Variants in ENOX2 observed in about 807,000 individuals in gnomAD.
The protein encoded by ENOX2 is APK1 antigen.
In ENOX2, 36 loss-of-function variants were observed where a neutral mutation model predicts 45.0. That is an observed-to-expected ratio of 0.80 (90% confidence interval 0.61 to 1.06). The LOEUF is 1.06. Among genes scored for constraint, ENOX2 ranks in the 50% least tolerant of loss-of-function variants. The pLI is 0.00. For missense variants in ENOX2, 423 were observed against 462.5 expected, an observed-to-expected ratio of 0.91 and a Z score of 0.78; for synonymous variants, 174 against 152.3, an observed-to-expected ratio of 1.14 and a Z score of -1.05.
In ENOX2 at chrX:130,656,557, TAAAGA is replaced by T; in HGVS notation, c.1129+19_1129+23del. 2 of 939,494 alleles carry T rather than the reference TAAAGA, an allele frequency of 2.1e-6. No individual in the cohort carries two copies. Among genetic ancestry groups the T allele is most frequent in the Non-Finnish European group, 3.1e-6 (2 of 652,615 alleles). The allele number at this position is 939,494 out of a possible 1,213,427, so 77.4% of individuals were successfully genotyped here. ...TGTCTGCAAGTACATGTTTATTAAA[TAAAGA>T]AAACAGAATTATCTTTACCTGATTC... On this transcript the variant is annotated intron_variant, in intron 10 of 14. Coordinates refer to ENST00000394363, the MANE Select transcript of ENOX2 (RefSeq NM_006375.4).
intron 2 of ENOX2, among the ~76,000 whole-genome samples, chrX:130,886,250 C>T (rs1009235006): frequency 3.6e-5 from 4 of 112,543 alleles, no homozygotes; most frequent in Non-Finnish European, 1.9e-5. Flanking sequence ...TGTCAAACCA[C>T]GCATCAAAAT....
chrX:130,704,764 C>T (rs777919059), intron 3 of ENOX2, among the ~76,000 whole-genome samples: 1 of 112,091 alleles, frequency 8.9e-6, no homozygotes, highest in East Asian at 2.8e-4. Flanking sequence ...CTGCCTTTGC[C>T]TCTTCCCCCT....
At chrX:130,783,345 C>T (rs774948779) in intron 3 of ENOX2, among the ~76,000 whole-genome samples, 43 of 111,910 alleles carry the variant, frequency 3.8e-4, no homozygotes, top group African/African-American at 1.3e-3. Flanking sequence ...ACTGATGATA[C>T]TCTATCTAAT....
At chrX:130,633,357 T>G (rs760407137) in intron 12 of ENOX2, among the ~76,000 whole-genome samples, 1 of 112,792 alleles carries the variant, frequency 8.9e-6, no homozygotes, top group Non-Finnish European at 1.9e-5. Context: ...CCTAATTGTG[T>G]CAGGTTGAAA....
rs746288492 is a variant in ENOX2 at position 130,711,073 on chromosome X, CA to C, written c.-38-7820del. Among the ~76,000 whole-genome samples, 373 of 112,022 alleles carry C rather than the reference CA, an allele frequency of 3.3e-3. 2 individuals are homozygous for C. Among genetic ancestry groups the C allele is most frequent in the Non-Finnish European group, 5.2e-3 (279 of 53,181 alleles). ...AAGTATTTGTTGTGAAAAGATGACACAGGGGCAGGGTTGGGTGTCCTACCAA... is the reference window on the plus strand; with the variant it reads ...AAGTATTTGTTGTGAAAAGATGACACGGGGCAGGGTTGGGTGTCCTACCAA... On this transcript the variant is annotated intron_variant, in intron 3 of 14. Transcript: ENST00000394363.
chrX:130,753,866 T>C (rs1304353241), intron 3 of ENOX2, among the ~76,000 whole-genome samples: 1 of 111,094 alleles, frequency 9.0e-6, no homozygotes, highest in Non-Finnish European at 1.9e-5. Context: ...TTTCCTTGGA[T>C]AAATACCCAG....
intron 2 of ENOX2, among the ~76,000 whole-genome samples, chrX:130,810,990 C>T (rs2077380680): frequency 8.9e-6 from 1 of 112,189 alleles, no homozygotes; most frequent in East Asian, 2.8e-4. Context: ...GCCTTAGGGA[C>T]CAGGCCTGCT....
intron 10 of ENOX2, among the ~76,000 whole-genome samples, chrX:130,644,981 G>A (rs56394434): frequency 0.015 from 1,687 of 111,375 alleles, 12 homozygotes; most frequent in Middle Eastern, 0.037. Context: ...TTTGGTGAAG[G>A]ATGTTGATAG....
chrX:130,813,216 T>C (rs5977379), intron 2 of ENOX2, among the ~76,000 whole-genome samples: 72 of 111,890 alleles, frequency 6.4e-4, no homozygotes, highest in African/African-American at 2.2e-3. Flanking sequence ...ATAGAGAGCT[T>C]AGAAATAAAT....
intron 2 of ENOX2, among the ~76,000 whole-genome samples, chrX:130,809,082 A>G (rs1331981575): frequency 3.6e-5 from 4 of 112,518 alleles, no homozygotes; most frequent in Non-Finnish European, 7.5e-5. Context: ...AGCAACAAGA[A>G]ATAGTGACAA....
chrX:130,784,034 G>C (rs781209632), intron 2 of ENOX2, among the ~76,000 whole-genome samples: 1 of 111,514 alleles, frequency 9.0e-6, no homozygotes, highest in Non-Finnish European at 1.9e-5. Flanking sequence ...GCATTCCTTG[G>C]ATTATCTCCT....
intron 12 of ENOX2, among the ~76,000 whole-genome samples, chrX:130,633,228 G>A (rs963051097): frequency 9.0e-6 from 1 of 111,683 alleles, no homozygotes; most frequent in African/African-American, 3.3e-5. Flanking sequence ...GTAGCTTACT[G>A]TCAAGAAACC....
intron 10 of ENOX2, among the ~76,000 whole-genome samples, chrX:130,646,655 C>T (rs1340233619): frequency 3.6e-5 from 4 of 112,272 alleles, no homozygotes; most frequent in African/African-American, 1.3e-4. Flanking sequence ...GACTTGTGTT[C>T]GTTGGGGACT....
rs1444667462 is a variant in ENOX2, at chrX:130,879,775, A to G, written c.-183+21909T>C. Among the ~76,000 whole-genome samples the G allele has an allele frequency of 1.1e-4, 12 of 112,168 alleles. No homozygotes were observed. The Admixed American group carries it at 1.1e-3, about 11-fold the overall frequency. On this transcript the variant is annotated intron_variant, in intron 2 of 14. Transcript: ENST00000394363. ...TTCTCTACTCTGGTTTAAATTAGGA[A>G]GGATCCTGATCAGAGTGAACTTTTT...
At chrX:130,808,493 C>T (rs1458398708) in intron 2 of ENOX2, among the ~76,000 whole-genome samples, 6 of 111,644 alleles carry the variant, frequency 5.4e-5, no homozygotes, top group Non-Finnish European at 7.5e-5. Flanking sequence ...GAAGGTATTA[C>T]TGGTAATTGA....
intron 2 of ENOX2, among the ~76,000 whole-genome samples, chrX:130,788,664 TA>T (rs2077001224): frequency 8.9e-6 from 1 of 112,268 alleles, no homozygotes; most frequent in African/African-American, 3.2e-5. Flanking sequence ...AACAGATAAC[TA>T]ACAAAGTCAG....
At chrX:130,728,662 C>A (rs745429158) in intron 3 of ENOX2, among the ~76,000 whole-genome samples, 1 of 111,334 alleles carries the variant, frequency 9.0e-6, no homozygotes, top group South Asian at 3.9e-4. Context: ...TGTGTGATTT[C>A]TCTCTCCTGA....
intron 2 of ENOX2, among the ~76,000 whole-genome samples, chrX:130,795,333 A>AG (rs1221109908): frequency 1.5e-4 from 17 of 112,045 alleles, no homozygotes; most frequent in African/African-American, 5.5e-4. Context: ...TTGAGAAGAC[A>AG]GCATGACTGT....
chrX:130,815,353 A>C (rs773590978), intron 2 of ENOX2, among the ~76,000 whole-genome samples: 2 of 112,297 alleles, frequency 1.8e-5, no homozygotes, highest in Non-Finnish European at 3.8e-5. Flanking sequence ...GAACTTCTCC[A>C]ACCTAGCAAG....
Sources: allele counts gnomAD v4.1 joint callset (sites outside exome capture counted in the v4.1 genomes callset), GRCh38; gene constraint gnomAD v4.1.1; transcripts MANE v1.5; gene names NCBI Gene and HGNC (gene_info 2026-07-23, HGNC 2026-07-21).